DTWD2: variants seen among roughly 807,000 people sequenced by gnomAD.
DTWD2 encodes tRNA-uridine aminocarboxypropyltransferase 2.
A neutral mutation model predicts 31.8 loss-of-function variants in DTWD2; 39 were observed. The ratio of observed to expected loss-of-function variants is 1.22; its 90% CI spans 0.95 to 1.60. The LOEUF (loss-of-function observed/expected upper bound fraction) is 1.60. DTWD2 is among the 40% of genes most tolerant of loss of function. DTWD2 has a pLI of 0.00. For missense variants in DTWD2, 515 were observed against 381.5 expected (o/e 1.35, Z -2.92); for synonymous variants, 180 against 142.8 (o/e 1.26, Z -1.86).
intron 5 of DTWD2, among the ~76,000 whole-genome samples, chr5:118,843,526 C>T (rs1368057287): frequency 1.3e-5 from 2 of 152,112 alleles, no homozygotes; most frequent in African/African-American, 2.4e-5. Flanking sequence ...TATGACTTTA[C>T]GTACTTTACA....
chr5:118,912,522 C>T (rs956763492), intron 4 of DTWD2, among the ~76,000 whole-genome samples: 9 of 152,236 alleles, frequency 5.9e-5, no homozygotes, highest in African/African-American at 2.2e-4. Context: ...GTTCCTCAAA[C>T]ATGCGGAGCT....
chr5:118,984,719 C>G (rs1446726071), intron 1 of DTWD2, among the ~76,000 whole-genome samples: 1 of 152,142 alleles, frequency 6.6e-6, no homozygotes, highest in African/African-American at 2.4e-5. Context: ...TGTTTCTTCC[C>G]TTAAACAGGT....
intron 1 of DTWD2, among the ~76,000 whole-genome samples, chr5:118,984,524 T>C (rs566130642): frequency 6.6e-6 from 1 of 151,880 alleles, no homozygotes; most frequent in Non-Finnish European, 1.5e-5. Flanking sequence ...TATTATCATA[T>C]ATAAAATATC....
chr5:118,850,477 CAAAAAAAA>C (rs34808087), intron 4 of DTWD2, among the ~76,000 whole-genome samples: 275 of 30,438 alleles, frequency 9.0e-3, no homozygotes, highest in South Asian at 0.016. Context: ...GACCCCACCA[CAAAAAAAA>C]AAAAAAAAAA....
At chr5:118,923,950 T>TA (rs990621039) in intron 4 of DTWD2, among the ~76,000 whole-genome samples, 2 of 152,052 alleles carry the variant, frequency 1.3e-5, no homozygotes, top group Non-Finnish European at 2.9e-5. Context: ...TAAAAAATTC[T>TA]AAAAAAAATT....
rs559368419 is a variant in DTWD2 at position 118,936,195 on chromosome 5, C to T, written c.404+3001G>A. 2.9e-4 allele frequency among the ~76,000 whole-genome samples: 44 copies of T among 152,030 alleles called. No individual in the cohort carries two copies. The South Asian group carries it at 5.8e-3, about 20-fold the overall frequency. On this transcript the variant is annotated intron_variant, in intron 3 of 5. Coordinates refer to ENST00000510708, the MANE Select transcript of DTWD2 (RefSeq NM_173666.4). ...TTAAAATATTTTGAACTGAACAAAC[C>T]AAAATCACAATATAACAGAATTGGT...
intron 1 of DTWD2, among the ~76,000 whole-genome samples, chr5:118,964,742 C>T (rs947421894): frequency 6.6e-6 from 1 of 152,248 alleles, no homozygotes; most frequent in Non-Finnish European, 1.5e-5. Context: ...TCACTCAGTG[C>T]TCAATGTTGC....
At chr5:118,903,898 C>G (rs991250939) in intron 4 of DTWD2, among the ~76,000 whole-genome samples, 2 of 151,956 alleles carry the variant, frequency 1.3e-5, no homozygotes, top group African/African-American at 4.8e-5. Context: ...AAAAATACAG[C>G]ATTCATATCA....
intron 3 of DTWD2, among the ~76,000 whole-genome samples, chr5:118,933,528 T>C (rs116754175): frequency 2.2e-4 from 34 of 152,144 alleles, no homozygotes; most frequent in Non-Finnish European, 4.6e-4. Context: ...ATCACCCACA[T>C]CAATGGACTA....
At chr5:118,875,742 T>C (rs1315251282) in intron 4 of DTWD2, among the ~76,000 whole-genome samples, 1 of 152,098 alleles carries the variant, frequency 6.6e-6, no homozygotes, top group African/African-American at 2.4e-5. Context: ...TCAAGGAGAC[T>C]TAGACTTCCA....
intron 4 of DTWD2, among the ~76,000 whole-genome samples, chr5:118,885,789 A>T (rs1165326209): frequency 6.6e-6 from 1 of 151,174 alleles, no homozygotes; most frequent in African/African-American, 2.4e-5. Flanking sequence ...TAAAAATAAT[A>T]AAAAATAAAT....
intron 1 of DTWD2, among the ~76,000 whole-genome samples, chr5:118,963,495 A>G (rs1452098206): frequency 6.6e-6 from 1 of 152,230 alleles, no homozygotes; most frequent in Non-Finnish European, 1.5e-5. Flanking sequence ...CAGGACTTGG[A>G]TGTTACACAA....
At chr5:118,881,693 C>A (rs1752744006) in intron 4 of DTWD2, among the ~76,000 whole-genome samples, 1 of 152,070 alleles carries the variant, frequency 6.6e-6, no homozygotes, top group African/African-American at 2.4e-5. Flanking sequence ...GAAGCAGGCG[C>A]CTCTTACACA....
chr5:118,908,517 T>A (rs2149569600), intron 4 of DTWD2, among the ~76,000 whole-genome samples: 1 of 152,236 alleles, frequency 6.6e-6, no homozygotes, highest in African/African-American at 2.4e-5. Context: ...TCTTCTAATG[T>A]CAAACCGTGT....
rs1751647966 is a variant in DTWD2, at chr5:118,839,159, C to G, written c.*1758G>C. 7.1e-6 allele frequency: 1 copy of G among 140,722 alleles called. No homozygotes were observed. Among genetic ancestry groups the G allele is most frequent in the African/African-American group, 3.3e-5 (1 of 30,576 alleles). 8.7% of individuals were successfully genotyped at this position (140,722 alleles called of 1,614,324 possible). On this transcript the variant is annotated 3_prime_UTR_variant, in exon 6 of 6. Coordinates refer to ENST00000510708, the MANE Select transcript of DTWD2 (RefSeq NM_173666.4). ...CCTGGGCGACAGAGCGAGATTCCAT[C>G]TCAAATAATAATAATAATAATAATA...
At chr5:118,848,316 A>T (rs1751909772) in intron 4 of DTWD2, 98 bp from the exon 5 acceptor site, 1 of 1,139,376 alleles carries the variant, frequency 8.8e-7, no homozygotes, top group East Asian at 2.7e-5. Flanking sequence ...CAAAACTGCC[A>T]GCAGCTTAGA....
chr5:118,883,646 G>A (rs922048600), intron 4 of DTWD2, among the ~76,000 whole-genome samples: 1 of 152,092 alleles, frequency 6.6e-6, no homozygotes, highest in Non-Finnish European at 1.5e-5. Flanking sequence ...ATGGCCACAG[G>A]AGAGAGAGCA....
rs542021847 is a variant in DTWD2, at chr5:118,914,661, T to A, written c.597+13876A>T. On this transcript the variant is annotated intron_variant, in intron 4 of 5. Coordinates refer to ENST00000510708, the MANE Select transcript of DTWD2 (RefSeq NM_173666.4). ...ATATAAAACAAAATATTAGCAAAGATAATCCAGCAATACATTAAAAAGATA... is the reference window on the plus strand; with the variant it reads ...ATATAAAACAAAATATTAGCAAAGAAAATCCAGCAATACATTAAAAAGATA... Among the ~76,000 whole-genome samples, 152 of 152,286 alleles carry A rather than the reference T, an allele frequency of 1.0e-3. 3 individuals are homozygous for A. Among genetic ancestry groups the A allele is most frequent in the African/African-American group, 3.5e-3 (145 of 41,560 alleles).
At chr5:118,841,220 G>T in intron 5 of DTWD2, 133 bp from the exon 6 acceptor site, 1 of 881,712 alleles carries the variant, frequency 1.1e-6, no homozygotes, top group Non-Finnish European at 1.7e-6. Context: ...GAAACACTAG[G>T]CACTCTGATA....
Sources: allele counts gnomAD v4.1 joint callset (sites outside exome capture counted in the v4.1 genomes callset), GRCh38; gene constraint gnomAD v4.1.1; transcripts MANE v1.5; gene names NCBI Gene and HGNC (gene_info 2026-07-23, HGNC 2026-07-21).